RNF128: variants seen among roughly 807,000 people sequenced by gnomAD.
RNF128 encodes E3 ubiquitin-protein ligase RNF128.
RNF128 carries 13 observed loss-of-function variants against 26.2 expected under a neutral mutation model. That is an observed-to-expected ratio of 0.50 (90% CI 0.32 to 0.79). The LOEUF is 0.79. Among genes scored for constraint, RNF128 ranks in the 30% least tolerant of loss-of-function variants. RNF128 has a pLI of 0.03. For missense variants in RNF128, 315 were observed against 349.7 expected (o/e 0.90, Z 0.79); for synonymous variants, 149 against 142.5 (o/e 1.05, Z -0.32).
At chrX:106,754,596 C>G (rs1438237545) in intron 1 of RNF128, among the ~76,000 whole-genome samples, 2 of 108,244 alleles carry the variant, frequency 1.8e-5, no homozygotes, top group African/African-American at 6.7e-5. Flanking sequence ...AGCATCTTCT[C>G]TAACCACAAT....
chrX:106,726,582 T>C, upstream of RNF128: 2 of 772,066 alleles, frequency 2.6e-6, no homozygotes, highest in Non-Finnish European at 3.2e-6. Context: ...CATCGATCCA[T>C]CCTGTTACCC....
intron 1 of RNF128, among the ~76,000 whole-genome samples, chrX:106,750,457 G>A (rs964752701): frequency 9.0e-6 from 1 of 111,448 alleles, no homozygotes; most frequent in African/African-American, 3.3e-5. Context: ...TCATTAATGG[G>A]GATAGTAGCA....
intron 2 of RNF128, among the ~76,000 whole-genome samples, chrX:106,777,909 G>T (rs1419049566): frequency 9.0e-6 from 1 of 111,524 alleles, no homozygotes; most frequent in Non-Finnish European, 1.9e-5. Flanking sequence ...GGCAGAGGTT[G>T]CAGTGAGCCG....
chrX:106,713,317 C>A (rs1325815240), intron 1 of RNF128, among the ~76,000 whole-genome samples: 2 of 110,209 alleles, frequency 1.8e-5, no homozygotes, highest in Admixed American at 9.5e-5. Context: ...GAGACCAACC[C>A]GGCCAACAGG....
chrX:106,795,292 G>A (rs1930895753), intron 6 of RNF128, among the ~76,000 whole-genome samples: 1 of 111,287 alleles, frequency 9.0e-6, no homozygotes, highest in Non-Finnish European at 1.9e-5. Flanking sequence ...TTAAGGTAAG[G>A]AAGAAGTAGA....
chrX:106,760,665 A>G (rs1930105069), intron 1 of RNF128, among the ~76,000 whole-genome samples: 1 of 111,895 alleles, frequency 8.9e-6, no homozygotes, highest in Non-Finnish European at 1.9e-5. Flanking sequence ...AATGGAAGTC[A>G]GTTTGTCCAA....
chrX:106,759,663 G>T (rs1254292946), intron 1 of RNF128, among the ~76,000 whole-genome samples: 1 of 111,993 alleles, frequency 8.9e-6, no homozygotes, highest in Non-Finnish European at 1.9e-5. Context: ...GAATTATTAT[G>T]TTAAGTGAAA....
At chrX:106,792,078 G>A (rs780498675) in intron 6 of RNF128, among the ~76,000 whole-genome samples, 8 of 110,959 alleles carry the variant, frequency 7.2e-5, no homozygotes, top group African/African-American at 2.6e-4. Context: ...CACTTCTGAA[G>A]ATATCACAAT....
At chrX:106,780,023 A>T (rs2147698631) in intron 2 of RNF128, among the ~76,000 whole-genome samples, 1 of 111,745 alleles carries the variant, frequency 8.9e-6, no homozygotes. Context: ...GTTTATTTTT[A>T]AAATATGGTG....
chrX:106,746,210 A>G (rs1929792215), intron 1 of RNF128, among the ~76,000 whole-genome samples: 1 of 110,749 alleles, frequency 9.0e-6, no homozygotes, highest in South Asian at 3.8e-4. Flanking sequence ...CTCATTGTGA[A>G]TAACCTCTAT....
At chrX:106,771,345 C>T (rs948035126) in intron 1 of RNF128, among the ~76,000 whole-genome samples, 9 of 112,744 alleles carry the variant, frequency 8.0e-5, no homozygotes, top group African/African-American at 2.9e-4. Context: ...ATGCCCTACC[C>T]CCAGAGGTGG....
At chrX:106,753,081 G>A (rs1041669721) in intron 1 of RNF128, among the ~76,000 whole-genome samples, 3 of 111,179 alleles carry the variant, frequency 2.7e-5, no homozygotes, top group Non-Finnish European at 5.7e-5. Context: ...AGCTTCAAAA[G>A]TACAGATCTA....
At chrX:106,739,349 G>C (rs1189639075) in intron 1 of RNF128, among the ~76,000 whole-genome samples, 2 of 110,341 alleles carry the variant, frequency 1.8e-5, no homozygotes, top group Non-Finnish European at 3.8e-5. Flanking sequence ...AGTAGAGGCG[G>C]GGTTTCACCA....
chrX:106,763,964 T>TTGG (rs1291002881), intron 1 of RNF128, among the ~76,000 whole-genome samples: 1 of 103,103 alleles, frequency 9.7e-6, no homozygotes, highest in African/African-American at 3.4e-5. Flanking sequence ...TTGGTTTGGT[T>TTGG]TTTGTTTTTG....
At chrX:106,715,616 T>C (rs1929201731) in intron 1 of RNF128, among the ~76,000 whole-genome samples, 1 of 112,091 alleles carries the variant, frequency 8.9e-6, no homozygotes, top group South Asian at 3.8e-4. Flanking sequence ...ACCTTGACTG[T>C]AGACAGAATT....
At chrX:106,789,095 A>ACTATATACTATATAG (rs1569445485) in intron 4 of RNF128, among the ~76,000 whole-genome samples, 4 of 85,734 alleles carry the variant, frequency 4.7e-5, no homozygotes, top group African/African-American at 1.7e-4. Context: ...AGTATATAGT[A>ACTATATACTATATAG]TATATATACT....
chrX:106,788,045 AC>A lies in RNF128; in HGVS notation c.887+46del, dbSNP rs757186030. 10 of 757,276 alleles carry A rather than the reference AC, an allele frequency of 1.3e-5. No homozygotes were observed. The East Asian group carries it at 3.0e-4, about 23-fold the overall frequency. The allele number at this position is 757,276 out of a possible 1,213,427, so 62.4% of individuals were successfully genotyped here. Reference sequence around the variant, plus strand: ...ATATCTTCAATAAAATAGCTGACCCACAAAAATGACTGTGATGGAAGAAAAC... The same window carrying A: ...ATATCTTCAATAAAATAGCTGACCCAAAAAATGACTGTGATGGAAGAAAAC... On this transcript the variant is annotated intron_variant, in intron 4 of 6. Coordinates refer to ENST00000255499, the MANE Select transcript of RNF128 (RefSeq NM_194463.2).
At position 106,796,398 on chromosome X, in the gene RNF128, T is replaced by C. The variant is rs1357068266; in HGVS notation, c.*685T>C. ...GACAAAAAATTCCTTACAAAAATAC[T>C]GTGTAACTATTTCTCAAACTTGTGG... On this transcript the variant is annotated 3_prime_UTR_variant, in exon 7 of 7. Transcript: ENST00000255499. 1 of 111,986 alleles carries C rather than the reference T, an allele frequency of 8.9e-6. No individual in the cohort carries two copies. Among genetic ancestry groups the C allele is most frequent in the African/African-American group, 3.2e-5 (1 of 30,809 alleles). The allele number at this position is 111,986 out of a possible 1,213,427, so 9.2% of individuals were successfully genotyped here.
At chrX:106,793,888 G>A (rs1930870231) in intron 6 of RNF128, among the ~76,000 whole-genome samples, 1 of 111,150 alleles carries the variant, frequency 9.0e-6, no homozygotes. Context: ...TTGAGGTGGT[G>A]TCTGCCAGGT....
Sources: gnomAD v4.1 joint callset for allele counts (sites outside exome capture counted in the v4.1 genomes callset) on GRCh38, gnomAD v4.1.1 for gene constraint, MANE v1.5 for transcripts, NCBI Gene and HGNC (gene_info 2026-07-23, HGNC 2026-07-21) for gene names.